The following MTCL3 variants were observed in gnomAD, a reference collection of about 807,000 sequenced individuals.
The protein encoded by MTCL3 is MTCL family member 3, also known as microtubule cross-linking factor 3.
the MTCL3 span, among the ~76,000 whole-genome samples, chr6:127,490,872 T>C: frequency 6.6e-6 from 1 of 152,108 alleles, no homozygotes; most frequent in Admixed American, 6.5e-5. Flanking sequence ...CATGATTGAT[T>C]GGAGACGGTC....
At chr6:127,497,775 A>G in the MTCL3 span, among the ~76,000 whole-genome samples, 3 of 152,234 alleles carry the variant, frequency 2.0e-5, no homozygotes, top group African/African-American at 7.2e-5. Context: ...TTCAATGATG[A>G]TATTTTCTAA....
the MTCL3 span, among the ~76,000 whole-genome samples, chr6:127,500,179 A>G: frequency 6.6e-6 from 1 of 152,224 alleles, no homozygotes; most frequent in African/African-American, 2.4e-5. Context: ...TAAATGATGA[A>G]GAAAAATATC....
At chr6:127,475,856 A>G in the MTCL3 span, 1 of 1,613,496 alleles carries the variant, frequency 6.2e-7, no homozygotes, top group Non-Finnish European at 8.5e-7. The surrounding 1 kb of genome is among the most constrained non-coding windows in gnomAD (Gnocchi z 7.3). Context: ...CGGTTCTCGT[A>G]CTGCAGCTGC....
the MTCL3 span, among the ~76,000 whole-genome samples, chr6:127,506,469 A>C: frequency 7.9e-5 from 12 of 152,170 alleles, no homozygotes; most frequent in African/African-American, 2.9e-4. Context: ...AACAATGTAC[A>C]TCCCTTGGAT....
At chr6:127,490,815 TCAAA>T in the MTCL3 span, among the ~76,000 whole-genome samples, 67 of 152,014 alleles carry the variant, frequency 4.4e-4, no homozygotes, top group East Asian at 0.011. Flanking sequence ...AGACTCCATC[TCAAA>T]CAAACAAACA....
chr6:127,488,021 C>T, the MTCL3 span, among the ~76,000 whole-genome samples: 3 of 151,982 alleles, frequency 2.0e-5, no homozygotes, highest in Admixed American at 1.3e-4. Context: ...GTGGTCACCC[C>T]ACCCCCCAAT....
the MTCL3 span, among the ~76,000 whole-genome samples, chr6:127,514,647 C>A: frequency 6.6e-6 from 1 of 152,222 alleles, no homozygotes; most frequent in Non-Finnish European, 1.5e-5. Context: ...CTCTTTAGAG[C>A]CACCTGCCAG....
chr6:127,514,810 C>A, the MTCL3 span: 1 of 1,604,262 alleles, frequency 6.2e-7, no homozygotes. Context: ...CATTGAGCCC[C>A]CGCGCCGCAG....
the MTCL3 span, chr6:127,475,301 C>T: frequency 6.2e-7 from 1 of 1,603,948 alleles, no homozygotes; most frequent in Non-Finnish European, 8.5e-7. The surrounding 1 kb of genome is among the most constrained non-coding windows in gnomAD (Gnocchi z 7.3). Context: ...ACCTGACTCA[C>T]GGAAATGGGC....
chr6:127,475,506 G>A, the MTCL3 span: 56 of 1,613,478 alleles, frequency 3.5e-5, no homozygotes, highest in African/African-American at 6.4e-4. This position sits in a 1 kb window ranked among gnomAD's most constrained non-coding sequence, Gnocchi z 7.3. Context: ...GCGCCTCGGT[G>A]ATGATGGTGC....
the MTCL3 span, chr6:127,481,511 A>G: frequency 1.0e-6 from 1 of 979,958 alleles, no homozygotes; most frequent in Non-Finnish European, 1.2e-6. Context: ...GAGCAGGTAC[A>G]GAGAGGAAAA....
chr6:127,497,230 C>T, the MTCL3 span, among the ~76,000 whole-genome samples: 2 of 152,146 alleles, frequency 1.3e-5, no homozygotes, highest in African/African-American at 2.4e-5. Context: ...GTAGCTAAAA[C>T]TTCTGCACCC....
the MTCL3 span, chr6:127,515,903 C>G: frequency 6.2e-7 from 1 of 1,611,436 alleles, no homozygotes; most frequent in Non-Finnish European, 8.5e-7. This position sits in a 1 kb window ranked among gnomAD's most constrained non-coding sequence, Gnocchi z 4.3. Flanking sequence ...CCCCCCGCAA[C>G]GCCGCTTCCG....
At chr6:127,500,154 G>A in the MTCL3 span, among the ~76,000 whole-genome samples, 3 of 152,104 alleles carry the variant, frequency 2.0e-5, no homozygotes, top group South Asian at 6.2e-4. Flanking sequence ...TCCCACTGGG[G>A]AACTCAGATT....
the MTCL3 span, chr6:127,513,017 A>G: frequency 6.2e-7 from 1 of 1,611,532 alleles, no homozygotes; most frequent in Admixed American, 1.7e-5. Flanking sequence ...TTTCTAATTC[A>G]TGGTGAAGTC....
the MTCL3 span, among the ~76,000 whole-genome samples, chr6:127,505,015 A>AC: frequency 7.8e-3 from 1,194 of 152,218 alleles, 12 homozygotes; most frequent in South Asian, 0.028. Context: ...ATCATTCAAC[A>AC]CCCTGGTTTA....
the MTCL3 span, among the ~76,000 whole-genome samples, chr6:127,491,793 C>T: frequency 6.6e-6 from 1 of 150,940 alleles, no homozygotes; most frequent in Non-Finnish European, 1.5e-5. Context: ...ATAGCTTGAG[C>T]CCAGGAGTTC....
At chr6:127,493,953 T>C in the MTCL3 span, among the ~76,000 whole-genome samples, 1 of 152,206 alleles carries the variant, frequency 6.6e-6, no homozygotes, top group Non-Finnish European at 1.5e-5. Flanking sequence ...CGTTAAGGAA[T>C]ATTAATGAGT....
chr6:127,498,471 T>C, the MTCL3 span, among the ~76,000 whole-genome samples: 1 of 152,174 alleles, frequency 6.6e-6, no homozygotes, highest in East Asian at 1.9e-4. Flanking sequence ...TCCTCATCCG[T>C]TGCTGGTGGG....
Sources: gnomAD v4.1 joint callset for allele counts (sites outside exome capture counted in the v4.1 genomes callset) on GRCh38, gnomAD v4.1.1 for gene constraint, Gnocchi (gnomAD v3.1) non-coding constraint, MANE v1.5 for transcripts, NCBI Gene and HGNC (gene_info 2026-07-23, HGNC 2026-07-21) for gene names.